OLA1: variants seen among roughly 807,000 people sequenced by gnomAD.
OLA1 encodes obg-like ATPase 1.
A neutral mutation model predicts 48.4 loss-of-function variants in OLA1; 14 were observed. That is an observed-to-expected ratio of 0.29 (90% CI 0.19 to 0.45). The LOEUF (loss-of-function observed/expected upper bound fraction) is 0.45. OLA1 is among the 20% of genes least tolerant of loss of function. OLA1 has a pLI of 1.00. For synonymous variants in OLA1, 127 were observed against 150.4 expected (o/e 0.84, Z 1.14); for missense variants, 325 against 467.1 (o/e 0.70, Z 2.80).
chr2:174,083,062 T>C (rs1024908293), intron 7 of OLA1, among the ~76,000 whole-genome samples: 9 of 152,142 alleles, frequency 5.9e-5, no homozygotes, highest in African/African-American at 2.2e-4. Flanking sequence ...TAATTTTCCT[T>C]CTCAGATAAT....
intron 4 of OLA1, among the ~76,000 whole-genome samples, chr2:174,215,469 T>C (rs1349805285): frequency 6.6e-6 from 1 of 152,218 alleles, no homozygotes; most frequent in Non-Finnish European, 1.5e-5. Context: ...ACAGACTTTT[T>C]TTCAATAACT....
chr2:174,125,854 T>G (rs944300522), intron 5 of OLA1, among the ~76,000 whole-genome samples: 2 of 152,174 alleles, frequency 1.3e-5, no homozygotes, highest in Non-Finnish European at 2.9e-5. Flanking sequence ...AGCACAGTAT[T>G]CCTTAAAGCC....
In OLA1 at chr2:174,142,015, A is replaced by C. The variant is rs760324557; in HGVS notation, c.374-15T>G. 6.2e-7 allele frequency: 1 copy of C among 1,610,136 alleles called. No homozygotes were observed. The highest frequency in any genetic ancestry group is 1.1e-5 in the South Asian group (1 of 90,690). ...TTCAAAAGCACCTAAAATGAATTAA[A>C]GGGAAGCAATTCAATAAACAAATAA... On this transcript the variant is annotated splice_polypyrimidine_tract_variant and intron_variant, in intron 4 of 10. Coordinates refer to ENST00000284719, the MANE Select transcript of OLA1 (RefSeq NM_013341.5).
chr2:174,082,317 CTT>C (rs1194020796), intron 7 of OLA1, among the ~76,000 whole-genome samples: 2 of 152,054 alleles, frequency 1.3e-5, no homozygotes, highest in Non-Finnish European at 2.9e-5. Context: ...TATTTAAAAA[CTT>C]TTTTTAGTTA....
rs540608340 is a variant in OLA1, at chr2:174,225,855, A to C, written c.246-2695T>G. Among the ~76,000 whole-genome samples the C allele has an allele frequency of 3.1e-4, 47 of 152,262 alleles. 2 individuals carry two copies. In the South Asian group the frequency reaches 9.6e-3, roughly 31 times the overall value. Reference sequence around the variant, plus strand: ...GCTTCACGTTTCTTTTTATGAGGAAACTAGACAGGAAGATATTCAGCTCTG... The same window carrying C: ...GCTTCACGTTTCTTTTTATGAGGAACCTAGACAGGAAGATATTCAGCTCTG... On this transcript the variant is annotated intron_variant, in intron 3 of 10. Transcript: ENST00000284719.
At chr2:174,098,149 G>T (rs1161621357) in intron 7 of OLA1, among the ~76,000 whole-genome samples, 1 of 152,154 alleles carries the variant, frequency 6.6e-6, no homozygotes, top group Admixed American at 6.5e-5. Context: ...GTTACAAATA[G>T]GCACGTGAAA....
chr2:174,133,398 TCAC>T (rs1405734674), intron 5 of OLA1, among the ~76,000 whole-genome samples: 4 of 152,198 alleles, frequency 2.6e-5, no homozygotes, highest in African/African-American at 9.7e-5. Context: ...ACTCACTCTC[TCAC>T]CCAGGCTGGA....
intron 5 of OLA1, among the ~76,000 whole-genome samples, chr2:174,138,313 C>T (rs561160186): frequency 2.6e-5 from 4 of 152,272 alleles, no homozygotes; most frequent in Admixed American, 2.0e-4. Flanking sequence ...TGTTGTGTCT[C>T]AGGGAACACA....
intron 4 of OLA1, among the ~76,000 whole-genome samples, chr2:174,174,646 T>C (rs1330594420): frequency 3.3e-5 from 5 of 152,152 alleles, no homozygotes; most frequent in African/African-American, 1.2e-4. Flanking sequence ...ACCTATAAAA[T>C]ACTGTTGAGA....
chr2:174,113,613 G>C (rs1685708067), intron 7 of OLA1, among the ~76,000 whole-genome samples: 1 of 152,160 alleles, frequency 6.6e-6, no homozygotes, highest in South Asian at 2.1e-4. Flanking sequence ...ATGTTGTCTT[G>C]AGAATTGTTC....
intron 7 of OLA1, among the ~76,000 whole-genome samples, chr2:174,093,766 C>T (rs549825167): frequency 3.3e-5 from 5 of 152,284 alleles, no homozygotes; most frequent in Admixed American, 2.6e-4. Context: ...AAGAAAATTT[C>T]CCAACCCTAT....
chr2:174,139,844 A>G (rs1199536865), intron 5 of OLA1, among the ~76,000 whole-genome samples: 1 of 146,726 alleles, frequency 6.8e-6, no homozygotes, highest in Non-Finnish European at 1.5e-5. Flanking sequence ...CAGCCTGGGC[A>G]ACAGAGTGAG....
At chr2:174,117,149 T>A (rs1032617265) in intron 7 of OLA1, among the ~76,000 whole-genome samples, 1 of 152,152 alleles carries the variant, frequency 6.6e-6, no homozygotes, top group Non-Finnish European at 1.5e-5. Context: ...TTTTGTTCCT[T>A]AATCCAATAA....
At chr2:174,164,348 A>AATCCCATTCTGCATAGTGCAGAATGG (rs1687108190) in intron 4 of OLA1, among the ~76,000 whole-genome samples, 2 of 124,040 alleles carry the variant, frequency 1.6e-5, no homozygotes, top group African/African-American at 7.7e-5. Flanking sequence ...GGCACTACGC[A>AATCCCATTCTGCATAGTGCAGAATGG]ATACCATTCT....
At chr2:174,076,872 T>G (rs13005305) in intron 10 of OLA1, among the ~76,000 whole-genome samples, 23,774 of 151,738 alleles carry the variant, frequency 0.16, 1,948 homozygotes, top group East Asian at 0.22. Context: ...TGCAATGTAT[T>G]GAAGGCCATA....
chr2:174,183,169 GA>G (rs1221945911), intron 4 of OLA1, among the ~76,000 whole-genome samples: 3 of 151,680 alleles, frequency 2.0e-5, no homozygotes, highest in African/African-American at 7.3e-5. Context: ...CTTACTCCCA[GA>G]AAAAAAACAC....
At chr2:174,212,762 A>G (rs1050508281) in intron 4 of OLA1, among the ~76,000 whole-genome samples, 1 of 152,180 alleles carries the variant, frequency 6.6e-6, no homozygotes, top group African/African-American at 2.4e-5. Flanking sequence ...AAGCTTACAC[A>G]GGGTGAGGAT....
chr2:174,217,855 T>G (rs1688402341), intron 4 of OLA1: 1 of 152,244 alleles, frequency 6.6e-6, no homozygotes, highest in African/African-American at 2.4e-5. Flanking sequence ...TAGAAAAATT[T>G]TTAATGCTGC....
intron 7 of OLA1, among the ~76,000 whole-genome samples, chr2:174,099,568 T>G (rs1357655566): frequency 1.3e-5 from 2 of 152,202 alleles, no homozygotes; most frequent in East Asian, 3.8e-4. Flanking sequence ...CTGGCCATAT[T>G]AGGGAAGACA....
Sources: gnomAD v4.1 joint callset for allele counts (sites outside exome capture counted in the v4.1 genomes callset) on GRCh38, gnomAD v4.1.1 for gene constraint, MANE v1.5 for transcripts, NCBI Gene and HGNC (gene_info 2026-07-23, HGNC 2026-07-21) for gene names.